FXYD5: variants seen among roughly 807,000 people sequenced by gnomAD.
The protein encoded by FXYD5 is FXYD domain containing ion transport regulator 5, also known as FXYD domain-containing ion transport regulator 5.
Under a neutral mutation model 25.7 loss-of-function variants are expected in FXYD5, and 21 were observed. That is an observed-to-expected ratio of 0.82 (90% confidence interval 0.58 to 1.18). The LOEUF is 1.18. Ranked by LOEUF, FXYD5 falls within the 50% of genes most tolerant of loss-of-function variation. The pLI is 0.00. For synonymous variants in FXYD5, 101 were observed against 90.7 expected, an observed-to-expected ratio of 1.11 and a Z score of -0.64; for missense variants, 229 against 227.7, an observed-to-expected ratio of 1.01 and a Z score of -0.04.
At chr19:35,163,982 T>C in intron 5 of FXYD5, 174 bp from the exon 6 acceptor site, 3 of 1,476,522 alleles carry the variant, frequency 2.0e-6, no homozygotes, top group East Asian at 2.5e-5. Flanking sequence ...AGCATTTCAA[T>C]GCCTGTCATT....
chr19:35,167,513 C>A (rs2065461530), intron 8 of FXYD5, among the ~76,000 whole-genome samples: 1 of 152,152 alleles, frequency 6.6e-6, no homozygotes, highest in African/African-American at 2.4e-5. Context: ...GGGCCCCATG[C>A]AGGGAGAGGA....
chr19:35,163,211 G>C (rs879260340), intron 5 of FXYD5, among the ~76,000 whole-genome samples: 15 of 152,106 alleles, frequency 9.9e-5, no homozygotes, highest in Non-Finnish European at 1.9e-4. Flanking sequence ...CCTTCCTCTG[G>C]GCAATGCATT....
At chr19:35,159,668 G>C in intron 4 of FXYD5, 1 of 1,533,886 alleles carries the variant, frequency 6.5e-7, no homozygotes, top group Non-Finnish European at 8.8e-7. Context: ...CTATGTGCTG[G>C]TCATGGTTCT....
At chr19:35,158,740 T>C (rs2065379594) in intron 4 of FXYD5, among the ~76,000 whole-genome samples, 3 of 152,146 alleles carry the variant, frequency 2.0e-5, no homozygotes. Flanking sequence ...TGTGTGCCAG[T>C]CCCATTTATT....
chr19:35,169,754 G>T lies in FXYD5; in HGVS notation c.*139G>T, dbSNP rs2065482517. 1.4e-5 allele frequency: 9 copies of T among 663,450 alleles called. No homozygotes were observed. Among genetic ancestry groups the T allele is most frequent in the Non-Finnish European group, 1.9e-5 (7 of 369,552 alleles). 41.1% of individuals were successfully genotyped at this position (663,450 alleles called of 1,614,324 possible). A position where few individuals can be genotyped will look rare whatever the true frequency, so the allele number is the denominator to read the frequency against. Reference sequence around the variant, plus strand: ...GACACAGATGATGAAGCTGGAGCCAGGGCTGCCGGTCCGAGTCTCCTACCT... The same window carrying T: ...GACACAGATGATGAAGCTGGAGCCATGGCTGCCGGTCCGAGTCTCCTACCT... On this transcript the variant is annotated 3_prime_UTR_variant, in exon 9 of 9. Transcript: ENST00000392219.
chr19:35,166,600 A>G (rs1057061409), intron 8 of FXYD5: 8 of 445,718 alleles, frequency 1.8e-5, no homozygotes, highest in Non-Finnish European at 2.7e-5. Context: ...GTTGTGGGTC[A>G]GCAGGAAACT....
In FXYD5 at chr19:35,155,742, C is replaced by A. The variant is rs1157514328; in HGVS notation, c.61+131C>A. 15 of 731,726 alleles carry A rather than the reference C, an allele frequency of 2.0e-5. No homozygotes were observed. The Admixed American group carries it at 2.6e-4, about 13-fold the overall frequency. The allele number at this position is 731,726 out of a possible 1,614,324, so 45.3% of individuals were successfully genotyped here. A position where few individuals can be genotyped will look rare whatever the true frequency, so the allele number is the denominator to read the frequency against. On this transcript the variant is annotated intron_variant, in intron 2 of 8. Coordinates refer to ENST00000392219, the MANE Select transcript of FXYD5 (RefSeq NM_014164.6). The stretch of plus-strand genomic sequence containing the variant: ...TGTCACCCTCCCGCTGAGCCGGCAC[C>A]AGGAAGTGGGGATCCCTATGGCGGG...
chr19:35,156,609 G>A (rs755110022), intron 2 of FXYD5, among the ~76,000 whole-genome samples: 2 of 152,240 alleles, frequency 1.3e-5, no homozygotes, highest in African/African-American at 2.4e-5. Context: ...TCTGGGGGCT[G>A]AGTGTTGTCT....
At chr19:35,163,763 A>G (rs907432547) in intron 5 of FXYD5, among the ~76,000 whole-genome samples, 1 of 152,114 alleles carries the variant, frequency 6.6e-6, no homozygotes, top group Non-Finnish European at 1.5e-5. Flanking sequence ...GTTTACAGAC[A>G]TGAGCCACTG....
intron 8 of FXYD5, 73 bp from the exon 9 acceptor site, chr19:35,169,492 TC>T (rs2145434946): frequency 1.8e-6 from 2 of 1,128,460 alleles, no homozygotes; most frequent in South Asian, 1.2e-5. Flanking sequence ...TCAATCTGGT[TC>T]CCCAGCCCCA....
Position 35,169,552 on chromosome 19 carries a change from T to C in FXYD5, c.488-14T>C. ...CACTCTAGCTCGTGACTGAATCATT[T>C]CCTTCACCCACAGGTGGCAAGTGCA... is the stretch of plus-strand genomic sequence containing the variant. On this transcript the variant is annotated splice_polypyrimidine_tract_variant and intron_variant, in intron 8 of 8. Transcript: ENST00000392219. The C allele has an allele frequency of 6.3e-7, 1 of 1,594,498 alleles. No homozygotes were observed. Among genetic ancestry groups the C allele is most frequent in the South Asian group, 1.1e-5 (1 of 90,688 alleles).
chr19:35,163,994 C>T lies in FXYD5; in HGVS notation c.293-162C>T, dbSNP rs2065428505. 6 of 1,485,794 alleles carry T rather than the reference C, an allele frequency of 4.0e-6. No individual in the cohort carries two copies. In the East Asian group the frequency reaches 7.4e-5, roughly 18 times the overall value. The allele number at this position is 1,485,794 out of a possible 1,614,324, so 92.0% of individuals were successfully genotyped here. ...TTCAGCATTTCAATGCCTGTCATTA[C>T]TTATTGCCTCTAGGTGTGGAGTAGG... On this transcript the variant is annotated intron_variant, in intron 5 of 8. Coordinates refer to ENST00000392219, the MANE Select transcript of FXYD5 (RefSeq NM_014164.6).
chr19:35,159,477 G>C, intron 4 of FXYD5: 1 of 1,547,640 alleles, frequency 6.5e-7, no homozygotes, highest in African/African-American at 1.4e-5. Context: ...ACTGCATAAA[G>C]ACTTGTTTTG....
chr19:35,162,144 G>GTAT (rs2065411969), intron 5 of FXYD5, among the ~76,000 whole-genome samples: 1 of 152,210 alleles, frequency 6.6e-6, no homozygotes, highest in Non-Finnish European at 1.5e-5. Context: ...GTTGCTCTAT[G>GTAT]TATTGGTCCA....
chr19:35,155,651 C>G, intron 2 of FXYD5, 40 bp downstream of exon 2: 1 of 1,415,068 alleles, frequency 7.1e-7, no homozygotes, highest in Non-Finnish European at 9.9e-7. Context: ...CCCAGAGCCC[C>G]CAGCCAGGCC....
In FXYD5 at chr19:35,163,531, G is replaced by C. The variant is rs572549524; in HGVS notation, c.293-625G>C. ...GAGTGTTGCTCTGTTGCCCAGACTG[G>C]AGTGCAGTGGCGAAATCTTGGCTCA... On this transcript the variant is annotated intron_variant, in intron 5 of 8. Coordinates refer to ENST00000392219, the MANE Select transcript of FXYD5 (RefSeq NM_014164.6). Among the ~76,000 whole-genome samples the C allele has an allele frequency of 7.9e-5, 12 of 152,104 alleles. No homozygotes were observed. In the South Asian group the frequency reaches 2.5e-3, roughly 32 times the overall value.
intron 6 of FXYD5, 31 bp from the exon 7 acceptor site, chr19:35,166,111 A>G (rs1277403280): frequency 6.2e-7 from 1 of 1,612,052 alleles, no homozygotes; most frequent in South Asian, 1.1e-5. Flanking sequence ...CCTTTGCTGA[A>G]CCCTGACTTG....
chr19:35,167,265 T>A (rs2065458769), intron 8 of FXYD5, among the ~76,000 whole-genome samples: 1 of 152,156 alleles, frequency 6.6e-6, no homozygotes, highest in Non-Finnish European at 1.5e-5. Context: ...GGGGACCTGT[T>A]ATCCCCCAGC....
chr19:35,168,618 GT>G (rs958304312), intron 8 of FXYD5, among the ~76,000 whole-genome samples: 3 of 152,152 alleles, frequency 2.0e-5, no homozygotes, highest in African/African-American at 7.2e-5. Flanking sequence ...TGGCTTCTAA[GT>G]TCCCCCTCCC....
Sources: gnomAD v4.1 joint callset for allele counts (sites outside exome capture counted in the v4.1 genomes callset) on GRCh38, gnomAD v4.1.1 for gene constraint, MANE v1.5 for transcripts, NCBI Gene and HGNC (gene_info 2026-07-23, HGNC 2026-07-21) for gene names.